Variants in PPM1L observed in about 807,000 individuals in gnomAD.
PPM1L encodes the protein protein phosphatase 1L.
In PPM1L, 13 loss-of-function variants were observed where a neutral mutation model predicts 31.4. The observed-to-expected ratio is 0.41, with a 90% CI of 0.27 to 0.66. PPM1L has a LOEUF of 0.66. Among genes scored for constraint, PPM1L ranks in the 30% least tolerant of loss-of-function variants. PPM1L has a pLI of 0.29. For missense variants in PPM1L, 326 were observed against 453.7 expected, an observed-to-expected ratio of 0.72 and a Z score of 2.56; for synonymous variants, 184 against 175.4, an observed-to-expected ratio of 1.05 and a Z score of -0.39.
At chr3:161,014,501 G>A (rs944386478) in intron 2 of PPM1L, among the ~76,000 whole-genome samples, 5 of 135,414 alleles carry the variant, frequency 3.7e-5, no homozygotes, top group African/African-American at 1.4e-4. Flanking sequence ...TTTAGATGGA[G>A]TCTTGCTCTG....
At chr3:160,983,449 G>C (rs942139939) in intron 2 of PPM1L, among the ~76,000 whole-genome samples, 3 of 151,966 alleles carry the variant, frequency 2.0e-5, no homozygotes, top group East Asian at 3.9e-4. Context: ...GGTGGGATAG[G>C]GGGTGGGTAA....
intron 3 of PPM1L, among the ~76,000 whole-genome samples, chr3:161,066,440 T>C (rs1458937407): frequency 6.6e-6 from 1 of 152,158 alleles, no homozygotes; most frequent in African/African-American, 2.4e-5. Flanking sequence ...ATAACTGCTA[T>C]GGAAAGACAT....
intron 2 of PPM1L, among the ~76,000 whole-genome samples, chr3:161,010,514 T>C (rs1717857743): frequency 6.6e-6 from 1 of 152,222 alleles, no homozygotes; most frequent in Non-Finnish European, 1.5e-5. Flanking sequence ...AGCAGCATGA[T>C]TTATAATCCT....
At chr3:161,062,881 T>C (rs1719616380) in intron 2 of PPM1L, among the ~76,000 whole-genome samples, 1 of 152,132 alleles carries the variant, frequency 6.6e-6, no homozygotes, top group Non-Finnish European at 1.5e-5. Context: ...AAACGCCTAC[T>C]AGGCAGTTGG....
chr3:161,051,116 G>T (rs950245422), intron 2 of PPM1L, among the ~76,000 whole-genome samples: 4 of 151,936 alleles, frequency 2.6e-5, no homozygotes, highest in Admixed American at 6.6e-5. Context: ...TCCACCACCC[G>T]CCATCTCCTC....
At chr3:160,822,149 A>T (rs1412549357) in intron 1 of PPM1L, among the ~76,000 whole-genome samples, 1 of 152,076 alleles carries the variant, frequency 6.6e-6, no homozygotes, top group East Asian at 1.9e-4. Context: ...AAGATTAAGG[A>T]TAAATTACCC....
At chr3:160,920,586 T>TTCTCTCTCTCTCTCTC (rs3063236) in intron 1 of PPM1L, among the ~76,000 whole-genome samples, 47 of 120,368 alleles carry the variant, frequency 3.9e-4, no homozygotes, top group African/African-American at 1.6e-3. Flanking sequence ...TGCATTTAGT[T>TTCTCTCTCTCTCTCTC]TCTCTCTCTC....
chr3:160,970,378 G>A (rs955463335), intron 2 of PPM1L, among the ~76,000 whole-genome samples: 1 of 151,656 alleles, frequency 6.6e-6, no homozygotes, highest in Admixed American at 6.6e-5. Flanking sequence ...TATTTCTGGC[G>A]ATAATATTAA....
chr3:161,044,825 C>G (rs947178370), intron 2 of PPM1L, among the ~76,000 whole-genome samples: 6 of 152,024 alleles, frequency 3.9e-5, no homozygotes, highest in Admixed American at 6.6e-5. Flanking sequence ...ACACAGACTG[C>G]CAAATTGGAT....
chr3:160,774,533 T>C (rs1353389654), intron 1 of PPM1L, among the ~76,000 whole-genome samples: 1 of 152,242 alleles, frequency 6.6e-6, no homozygotes, highest in Non-Finnish European at 1.5e-5. Context: ...CCATGATTTA[T>C]TTCTCTGAAA....
chr3:160,796,066 T>A (rs1712238042), intron 1 of PPM1L, among the ~76,000 whole-genome samples: 1 of 152,218 alleles, frequency 6.6e-6, no homozygotes, highest in South Asian at 2.1e-4. Flanking sequence ...TTCTCCTGAT[T>A]CAAACCTGGG....
At chr3:160,978,121 G>A (rs1716664317) in intron 2 of PPM1L, among the ~76,000 whole-genome samples, 1 of 152,222 alleles carries the variant, frequency 6.6e-6, no homozygotes, top group African/African-American at 2.4e-5. Context: ...GGGCTCATCT[G>A]AGGACAAATG....
At chr3:160,850,387 C>G (rs963571359) in intron 1 of PPM1L, among the ~76,000 whole-genome samples, 1 of 152,148 alleles carries the variant, frequency 6.6e-6, no homozygotes, top group Admixed American at 6.5e-5. Context: ...CTAGCACCTC[C>G]ATGTGTTAGG....
chr3:160,994,847 G>A (rs1454538898), intron 2 of PPM1L, among the ~76,000 whole-genome samples: 2 of 152,166 alleles, frequency 1.3e-5, no homozygotes, highest in Non-Finnish European at 2.9e-5. Flanking sequence ...ATAGGGAATA[G>A]GAGAGGCTGA....
intron 1 of PPM1L, among the ~76,000 whole-genome samples, chr3:160,871,039 C>A (rs915304092): frequency 6.6e-6 from 1 of 152,160 alleles, no homozygotes; most frequent in Non-Finnish European, 1.5e-5. Flanking sequence ...AAATAGATAA[C>A]TTCAAAGTAA....
intron 2 of PPM1L, among the ~76,000 whole-genome samples, chr3:161,052,768 C>T (rs998536362): frequency 6.6e-6 from 1 of 152,090 alleles, no homozygotes; most frequent in Non-Finnish European, 1.5e-5. Context: ...TAAATTAAAA[C>T]TATAGGGAAG....
intron 1 of PPM1L, among the ~76,000 whole-genome samples, chr3:160,909,394 A>G (rs938043852): frequency 1.3e-5 from 2 of 152,156 alleles, no homozygotes; most frequent in Non-Finnish European, 2.9e-5. Context: ...CCTAAGAGAC[A>G]GTAGAAAAGA....
Position 160,837,981 on chromosome 3 carries a change from G to T in PPM1L, c.399+81274G>T, listed in dbSNP as rs975468592. ...AGCCCTTGGTGTGGGGTAGACAAAT[G>T]CTTATAGAAGACTTTGTGGTTTAGG... On this transcript the variant is annotated intron_variant, in intron 1 of 3. Transcript: ENST00000498165. 5.3e-5 allele frequency among the ~76,000 whole-genome samples: 8 copies of T among 152,266 alleles called. No homozygotes were observed. The South Asian group carries it at 1.7e-3, about 32-fold the overall frequency.
At chr3:160,856,338 T>A (rs1711703057) in intron 1 of PPM1L, among the ~76,000 whole-genome samples, 2 of 152,152 alleles carry the variant, frequency 1.3e-5, no homozygotes, top group Non-Finnish European at 2.9e-5. Flanking sequence ...TATAAACCGT[T>A]CGAAGATACA....
Sources: gnomAD v4.1 joint callset for allele counts (sites outside exome capture counted in the v4.1 genomes callset) on GRCh38, gnomAD v4.1.1 for gene constraint, MANE v1.5 for transcripts, NCBI Gene and HGNC (gene_info 2026-07-23, HGNC 2026-07-21) for gene names.